Variants in CPQ observed in about 807,000 individuals in gnomAD.
CPQ encodes carboxypeptidase Q, also known as Ser-Met dipeptidase.
CPQ carries 37 observed loss-of-function variants against 45.7 expected under a neutral mutation model. The ratio of observed to expected loss-of-function variants is 0.81; its 90% CI spans 0.62 to 1.07. The LOEUF (loss-of-function observed/expected upper bound fraction) is 1.07. Ranked by LOEUF, CPQ falls within the 50% of genes least tolerant of loss-of-function variation. The probability of loss-of-function intolerance (pLI) is 0.00; values close to 1 mark genes in which losing one functional copy is unlikely to be tolerated. For synonymous variants in CPQ, 186 were observed against 205.8 expected, an observed-to-expected ratio of 0.90 and a Z score of 0.82; for missense variants, 537 against 572.9, an observed-to-expected ratio of 0.94 and a Z score of 0.64.
In CPQ at chr8:96,806,927, G is replaced by A. The variant is rs910698527; in HGVS notation, c.433+21597G>A. ...ATGATGTGATTATTATACATTGCAT[G>A]CCTATATCAAATATCTCATGTACCC... is the stretch of plus-strand genomic sequence containing the variant. On this transcript the variant is annotated intron_variant, in intron 2 of 7. Transcript: ENST00000220763. 4.6e-5 allele frequency among the ~76,000 whole-genome samples: 7 copies of A among 152,234 alleles called. No homozygotes were observed. In the East Asian group the frequency reaches 1.2e-3, roughly 25 times the overall value.
At chr8:96,947,824 T>A (rs1813211234) in intron 4 of CPQ, among the ~76,000 whole-genome samples, 1 of 152,144 alleles carries the variant, frequency 6.6e-6, no homozygotes. Flanking sequence ...AACTGTATGC[T>A]AGTATCTAAT....
chr8:96,985,014 T>C (rs73279892), intron 5 of CPQ, among the ~76,000 whole-genome samples: 4,223 of 152,290 alleles, frequency 0.028, 206 homozygotes, highest in African/African-American at 0.096. Context: ...TCAGTTTTAT[T>C]TGAAAACACG....
intron 1 of CPQ, among the ~76,000 whole-genome samples, chr8:96,732,949 G>A (rs1405951418): frequency 6.6e-6 from 1 of 152,156 alleles, no homozygotes; most frequent in East Asian, 1.9e-4. Context: ...AGGAAAGAAT[G>A]TGATAAAGGT....
chr8:96,667,789 C>T (rs890837212), intron 1 of CPQ, among the ~76,000 whole-genome samples: 4 of 152,146 alleles, frequency 2.6e-5, no homozygotes, highest in African/African-American at 9.7e-5. Flanking sequence ...AGCTATCCTT[C>T]AAAGTGTGTC....
chr8:96,650,390 C>T (rs575209189), intron 1 of CPQ, among the ~76,000 whole-genome samples: 21 of 152,344 alleles, frequency 1.4e-4, no homozygotes, highest in South Asian at 6.2e-4. Context: ...AAAAAAGATT[C>T]GCATAGCGCC....
intron 6 of CPQ, among the ~76,000 whole-genome samples, chr8:97,031,027 G>C (rs1809892442): frequency 6.6e-6 from 1 of 152,114 alleles, no homozygotes; most frequent in Non-Finnish European, 1.5e-5. Flanking sequence ...GGGTGGAACA[G>C]AGACGTAAAC....
At chr8:96,667,100 A>AT (rs1808934648) in intron 1 of CPQ, among the ~76,000 whole-genome samples, 1 of 85,144 alleles carries the variant, frequency 1.2e-5, no homozygotes, top group South Asian at 3.4e-4. Flanking sequence ...CACTTCTCCC[A>AT]CAAAAAAATC....
intron 1 of CPQ, among the ~76,000 whole-genome samples, chr8:96,784,492 G>A (rs563883885): frequency 6.6e-6 from 1 of 152,104 alleles, no homozygotes; most frequent in Admixed American, 6.6e-5. Context: ...GAACACACCT[G>A]GTGGAGGGAG....
chr8:96,895,684 T>C (rs550114042), intron 4 of CPQ, among the ~76,000 whole-genome samples: 9 of 152,288 alleles, frequency 5.9e-5, no homozygotes, highest in African/African-American at 2.2e-4. Flanking sequence ...AGAACTGCCT[T>C]TGTAAGATTC....
intron 1 of CPQ, among the ~76,000 whole-genome samples, chr8:96,714,534 T>C (rs1198376796): frequency 1.3e-5 from 2 of 152,160 alleles, no homozygotes; most frequent in Admixed American, 6.5e-5. Flanking sequence ...AATTTTTCAT[T>C]CACATCCTGA....
At chr8:96,767,493 C>CT (rs3036420) in intron 1 of CPQ, among the ~76,000 whole-genome samples, 3,929 of 146,958 alleles carry the variant, frequency 0.027, 69 homozygotes, top group South Asian at 0.029. Context: ...CTCCAAGTAT[C>CT]TTTTTTTTTT....
At chr8:96,856,894 T>C (rs1811858999) in intron 3 of CPQ, among the ~76,000 whole-genome samples, 1 of 152,200 alleles carries the variant, frequency 6.6e-6, no homozygotes. Context: ...ATATTCTTCG[T>C]GTAGTGCTAA....
intron 1 of CPQ, among the ~76,000 whole-genome samples, chr8:96,654,819 G>A (rs974791157): frequency 6.6e-6 from 1 of 152,144 alleles, no homozygotes; most frequent in African/African-American, 2.4e-5. Context: ...CTTTATAGAT[G>A]ACAGTCCTGA....
At chr8:97,047,268 A>G (rs570434878) in intron 6 of CPQ, among the ~76,000 whole-genome samples, 1 of 152,354 alleles carries the variant, frequency 6.6e-6, no homozygotes, top group South Asian at 2.1e-4. Flanking sequence ...AGCACAGCCC[A>G]TAAGGTGCAG....
intron 2 of CPQ, among the ~76,000 whole-genome samples, chr8:96,793,531 A>T (rs946535261): frequency 1.3e-5 from 2 of 152,176 alleles, no homozygotes; most frequent in Non-Finnish European, 2.9e-5. Context: ...GAAATTCAAG[A>T]TCAGAGTTGG....
chr8:96,893,336 T>C (rs1471884883), intron 4 of CPQ, among the ~76,000 whole-genome samples: 1 of 152,210 alleles, frequency 6.6e-6, no homozygotes, highest in Non-Finnish European at 1.5e-5. Context: ...TGCAGGACGC[T>C]ATGTTATAAG....
intron 1 of CPQ, among the ~76,000 whole-genome samples, chr8:96,741,036 T>A (rs1274729187): frequency 4.0e-5 from 6 of 150,002 alleles, no homozygotes; most frequent in Admixed American, 1.3e-4. Context: ...TTGGAATAGT[T>A]TCAGAAGGAA....
At chr8:96,657,374 A>G (rs1179594750) in intron 1 of CPQ, among the ~76,000 whole-genome samples, 3 of 152,128 alleles carry the variant, frequency 2.0e-5, no homozygotes, top group African/African-American at 7.2e-5. Context: ...GTGTGTCACC[A>G]TGCTGATCTG....
intron 5 of CPQ, among the ~76,000 whole-genome samples, chr8:96,968,724 A>G (rs1813613099): frequency 6.6e-6 from 1 of 151,984 alleles, no homozygotes; most frequent in Non-Finnish European, 1.5e-5. Context: ...ATTTGGAAAT[A>G]TTTTTCTAAG....
Sources: allele counts gnomAD v4.1 joint callset (sites outside exome capture counted in the v4.1 genomes callset), GRCh38; gene constraint gnomAD v4.1.1; transcripts MANE v1.5; gene names NCBI Gene and HGNC (gene_info 2026-07-23, HGNC 2026-07-21).